The following TLL1 variants were observed in gnomAD, a reference collection of about 807,000 sequenced individuals.
TLL1 encodes tolloid like 1.
Under a neutral mutation model 128.2 loss-of-function variants are expected in TLL1, and 49 were observed. The ratio of observed to expected loss-of-function variants is 0.38; its 90% CI spans 0.30 to 0.48. The LOEUF (loss-of-function observed/expected upper bound fraction) is 0.48, where lower values mean the gene tolerates loss of function less well. TLL1 is among the 20% of genes least tolerant of loss of function. The probability of loss-of-function intolerance (pLI) is 0.96; values close to 1 mark genes in which losing one functional copy is unlikely to be tolerated. For synonymous variants in TLL1, 454 were observed against 418.8 expected, an observed-to-expected ratio of 1.08 and a Z score of -1.03; for missense variants, 1,123 against 1,242.0, an observed-to-expected ratio of 0.90 and a Z score of 1.44.
At chr4:166,016,922 A>G (rs78336825) in intron 8 of TLL1, among the ~76,000 whole-genome samples, 5,614 of 151,742 alleles carry the variant, frequency 0.037, 110 homozygotes, top group East Asian at 0.067. Context: ...TTTTTCTTCT[A>G]TCTTGGCCTT....
chr4:165,988,150 G>A (rs1736470681), intron 1 of TLL1, among the ~76,000 whole-genome samples: 7 of 152,054 alleles, frequency 4.6e-5, no homozygotes, highest in African/African-American at 1.4e-4. Context: ...ATTGGTTGGT[G>A]TAGCTTGTAT....
chr4:166,059,230 C>T (rs115475068), intron 14 of TLL1, among the ~76,000 whole-genome samples: 1,575 of 152,004 alleles, frequency 0.01, 25 homozygotes, highest in South Asian at 0.032. Context: ...CACACATACA[C>T]GTGCACAAAG....
chr4:166,053,054 T>C (rs924856104), intron 12 of TLL1: 4 of 148,746 alleles, frequency 2.7e-5, no homozygotes, highest in East Asian at 2.0e-4. Flanking sequence ...TAAAATTAGA[T>C]ATTCTTTATA....
intron 1 of TLL1, among the ~76,000 whole-genome samples, chr4:165,915,742 G>A (rs1328877538): frequency 6.6e-6 from 1 of 152,110 alleles, no homozygotes; most frequent in Non-Finnish European, 1.5e-5. Context: ...TCCCAAGACT[G>A]ATTGATCTCA....
intron 1 of TLL1, among the ~76,000 whole-genome samples, chr4:165,987,377 G>T (rs994122749): frequency 6.6e-6 from 1 of 152,044 alleles, no homozygotes. Flanking sequence ...TTCTTGCGGG[G>T]GTCTGGCTTT....
intron 4 of TLL1, 58 bp downstream of exon 4, chr4:165,994,591 A>C: frequency 6.3e-7 from 1 of 1,587,868 alleles, no homozygotes; most frequent in Non-Finnish European, 8.6e-7. Flanking sequence ...CATACAGATT[A>C]AGTGTCTATT....
At chr4:166,005,414 G>A (rs1414361311) in intron 6 of TLL1, among the ~76,000 whole-genome samples, 1 of 151,944 alleles carries the variant, frequency 6.6e-6, no homozygotes, top group African/African-American at 2.4e-5. Flanking sequence ...CAATATTTAA[G>A]CAATACTTGG....
intron 1 of TLL1, among the ~76,000 whole-genome samples, chr4:165,928,301 T>C (rs1362361359): frequency 6.6e-6 from 1 of 152,168 alleles, no homozygotes; most frequent in African/African-American, 2.4e-5. Flanking sequence ...TCTAAACGCC[T>C]GAATCTAGTT....
chr4:166,037,618 G>T (rs1739061130), intron 9 of TLL1, among the ~76,000 whole-genome samples: 1 of 152,052 alleles, frequency 6.6e-6, no homozygotes, highest in Non-Finnish European at 1.5e-5. Flanking sequence ...AACCAGCCTG[G>T]CCAACATGGT....
chr4:165,942,056 C>A (rs536960980), intron 1 of TLL1, among the ~76,000 whole-genome samples: 85 of 152,200 alleles, frequency 5.6e-4, no homozygotes, highest in African/African-American at 1.9e-3. Flanking sequence ...TGGAAATGGG[C>A]ACTCAGAGAA....
At chr4:166,021,875 G>A (rs1340192970) in intron 8 of TLL1, among the ~76,000 whole-genome samples, 3 of 152,016 alleles carry the variant, frequency 2.0e-5, no homozygotes, top group Admixed American at 6.6e-5. Flanking sequence ...TATGCTGCTT[G>A]TTGTCCGGGC....
At chr4:166,051,981 A>G (rs1440333145) in intron 12 of TLL1, among the ~76,000 whole-genome samples, 2 of 152,208 alleles carry the variant, frequency 1.3e-5, no homozygotes, top group African/African-American at 4.8e-5. Context: ...AATATTTAAA[A>G]TTACAATTTT....
chr4:166,006,382 G>A (rs79597263), intron 6 of TLL1, among the ~76,000 whole-genome samples: 2,039 of 151,860 alleles, frequency 0.013, 44 homozygotes, highest in African/African-American at 0.047. Context: ...TGTGTCATAT[G>A]CACGTTAAGT....
intron 1 of TLL1, among the ~76,000 whole-genome samples, chr4:165,938,090 A>T (rs1224291789): frequency 6.6e-6 from 1 of 151,928 alleles, no homozygotes; most frequent in Non-Finnish European, 1.5e-5. Flanking sequence ...TGCTCTTTGG[A>T]TACACAGTTT....
At chr4:165,992,629 A>G (rs757731269) in intron 2 of TLL1, among the ~76,000 whole-genome samples, 175 bp from the exon 3 acceptor site, 2 of 152,084 alleles carry the variant, frequency 1.3e-5, no homozygotes, top group Non-Finnish European at 2.9e-5. Context: ...AGTTACCAAC[A>G]TTGGTTGCTG....
chr4:165,957,712 T>C (rs904436410), intron 1 of TLL1, among the ~76,000 whole-genome samples: 4 of 150,924 alleles, frequency 2.7e-5, no homozygotes, highest in Non-Finnish European at 5.9e-5. Context: ...TTTTTTTTTT[T>C]TTTTAAATTA....
At chr4:165,996,330 C>T (rs568881355) in intron 5 of TLL1, among the ~76,000 whole-genome samples, 2 of 152,214 alleles carry the variant, frequency 1.3e-5, no homozygotes, top group South Asian at 2.1e-4. Flanking sequence ...ACTAAGGAGC[C>T]GGGCACGGTG....
intron 1 of TLL1, among the ~76,000 whole-genome samples, chr4:165,933,568 A>G (rs1733629385): frequency 1.3e-5 from 2 of 152,284 alleles, no homozygotes; most frequent in East Asian, 1.9e-4. Flanking sequence ...TGGAAATTTT[A>G]TCCAGCCATA....
Position 165,873,709 on chromosome 4 carries a change from G to A in TLL1, c.-196G>A. On this transcript the variant is annotated 5_prime_UTR_variant, in exon 1 of 21. Transcript: ENST00000061240. Reference sequence around the variant, plus strand: ...CTAGCCAACTTCTCCCTGCGACTGGGGGTAACAGGCAGTGCTTGCCCTCTC... The same window carrying A: ...CTAGCCAACTTCTCCCTGCGACTGGAGGTAACAGGCAGTGCTTGCCCTCTC... 1 of 582,762 alleles carries A rather than the reference G, an allele frequency of 1.7e-6. No homozygotes were observed. Among genetic ancestry groups the A allele is most frequent in the South Asian group, 2.2e-5 (1 of 46,460 alleles). The allele number at this position is 582,762 out of a possible 1,614,324, so 36.1% of individuals were successfully genotyped here.
Sources: gnomAD v4.1 joint callset for allele counts (sites outside exome capture counted in the v4.1 genomes callset) on GRCh38, gnomAD v4.1.1 for gene constraint, MANE v1.5 for transcripts, NCBI Gene and HGNC (gene_info 2026-07-23, HGNC 2026-07-21) for gene names.